PTPN14: variants seen among roughly 807,000 people sequenced by gnomAD.
PTPN14 encodes tyrosine-protein phosphatase non-receptor type 14.
Under a neutral mutation model 126.8 loss-of-function variants are expected in PTPN14, and 53 were observed. The observed-to-expected ratio is 0.42, with a 90% confidence interval of 0.34 to 0.53. PTPN14 has a LOEUF of 0.53. Among genes scored for constraint, PTPN14 ranks in the 20% least tolerant of loss-of-function variants. PTPN14 has a pLI of 0.08. For synonymous variants in PTPN14, 630 were observed against 599.3 expected (o/e 1.05, Z -0.75); for missense variants, 1,257 against 1,552.9 (o/e 0.81, Z 3.20).
intron 3 of PTPN14, among the ~76,000 whole-genome samples, chr1:214,422,500 C>T (rs1659565100): frequency 6.6e-6 from 1 of 152,184 alleles, no homozygotes; most frequent in South Asian, 2.1e-4. Flanking sequence ...GCTCAAAATA[C>T]ATATCTGCCT....
At chr1:214,418,984 A>G (rs1288041253) in intron 3 of PTPN14, among the ~76,000 whole-genome samples, 2 of 152,036 alleles carry the variant, frequency 1.3e-5, no homozygotes, top group East Asian at 3.8e-4. Flanking sequence ...CAGCAGGTAC[A>G]AACTGGGCCC....
At chr1:214,532,266 G>C (rs1478087397) in intron 1 of PTPN14, 1 of 445,318 alleles carries the variant, frequency 2.2e-6, no homozygotes, top group Admixed American at 2.8e-5. Context: ...CGCCCAGCTG[G>C]TCAACAGCGT....
chr1:214,401,653 G>A (rs773129991), intron 7 of PTPN14, 32 bp downstream of exon 7: 2 of 1,490,990 alleles, frequency 1.3e-6, no homozygotes, highest in African/African-American at 1.4e-5. Flanking sequence ...GGTCTGAGAA[G>A]GTTAAAGCCA....
intron 11 of PTPN14, among the ~76,000 whole-genome samples, chr1:214,389,260 G>A (rs1269716944): frequency 6.6e-6 from 1 of 152,074 alleles, no homozygotes; most frequent in African/African-American, 2.4e-5. Context: ...AGTAAGTTAC[G>A]GTTTATGAAC....
At chr1:214,522,182 C>G (rs963616039) in intron 1 of PTPN14, among the ~76,000 whole-genome samples, 2 of 151,908 alleles carry the variant, frequency 1.3e-5, no homozygotes, top group Non-Finnish European at 2.9e-5. Flanking sequence ...TGATCTGTCC[C>G]CCTCAGCCTC....
At chr1:214,360,969 C>A (rs1657942602) in intron 18 of PTPN14, among the ~76,000 whole-genome samples, 1 of 152,084 alleles carries the variant, frequency 6.6e-6, no homozygotes. Context: ...TGCACTTCCC[C>A]CTTTGCTCTC....
chr1:214,532,701 G>T (rs1655585077), intron 1 of PTPN14: 2 of 796,180 alleles, frequency 2.5e-6, no homozygotes, highest in Admixed American at 1.7e-5. Flanking sequence ...CAGACTCTCA[G>T]GCGCCAGTCT....
chr1:214,514,267 T>C (rs17023132), intron 1 of PTPN14, among the ~76,000 whole-genome samples: 33,798 of 151,960 alleles, frequency 0.22, 5,198 homozygotes, highest in African/African-American at 0.44. Flanking sequence ...GCAATAAACC[T>C]AGTGCTTGAA....
At chr1:214,396,449 A>G (rs1658881635) in intron 8 of PTPN14, among the ~76,000 whole-genome samples, 1 of 152,196 alleles carries the variant, frequency 6.6e-6, no homozygotes, top group African/African-American at 2.4e-5. Flanking sequence ...ACGTGGACTC[A>G]TAGCTACATG....
chr1:214,459,900 C>T (rs1266965318), intron 2 of PTPN14, among the ~76,000 whole-genome samples: 1 of 152,224 alleles, frequency 6.6e-6, no homozygotes, highest in Non-Finnish European at 1.5e-5. Flanking sequence ...CCACATAGTT[C>T]AAAAGAGTAT....
rs561413480 is a variant in PTPN14 at position 214,513,794 on chromosome 1, C to T, written c.-155+37389G>A. On this transcript the variant is annotated intron_variant, in intron 1 of 18. Coordinates refer to ENST00000366956, the MANE Select transcript of PTPN14 (RefSeq NM_005401.5). The stretch of plus-strand genomic sequence containing the variant: ...AATAATAATGGTATCTATTTCATAG[C>T]GTTGTCATAAAGATTAAATGAGATA... Among the ~76,000 whole-genome samples, 9 of 152,160 alleles carry T rather than the reference C, an allele frequency of 5.9e-5. No individual in the cohort carries two copies. The South Asian group carries it at 1.0e-3, about 18-fold the overall frequency.
At chr1:214,550,816 T>C (rs1656089771) in intron 1 of PTPN14, among the ~76,000 whole-genome samples, 1 of 152,162 alleles carries the variant, frequency 6.6e-6, no homozygotes, top group Non-Finnish European at 1.5e-5. Context: ...CGTTCGTCTT[T>C]CATCCTCTAG....
chr1:214,358,143 G>A, intron 18 of PTPN14, 93 bp from the exon 19 acceptor site: 1 of 1,463,738 alleles, frequency 6.8e-7, no homozygotes, highest in Non-Finnish European at 9.3e-7. Flanking sequence ...CTCACCCACT[G>A]CCCATGTCCA....
chr1:214,448,737 A>G (rs1374398904), intron 3 of PTPN14, among the ~76,000 whole-genome samples: 1 of 152,156 alleles, frequency 6.6e-6, no homozygotes, highest in Non-Finnish European at 1.5e-5. Context: ...CTCCCTCTAC[A>G]GGATACCACA....
At chr1:214,447,106 T>G (rs572095401) in intron 3 of PTPN14, among the ~76,000 whole-genome samples, 1 of 152,304 alleles carries the variant, frequency 6.6e-6, no homozygotes, top group East Asian at 1.9e-4. Flanking sequence ...CTGAGATGCC[T>G]GGTAACTGGG....
At chr1:214,538,821 C>T (rs532609767) in intron 1 of PTPN14, among the ~76,000 whole-genome samples, 2 of 152,270 alleles carry the variant, frequency 1.3e-5, no homozygotes, top group East Asian at 1.9e-4. Context: ...ATATTAACCA[C>T]ATTTTCTAGC....
chr1:214,514,972 C>T (rs1173476694), intron 1 of PTPN14, among the ~76,000 whole-genome samples: 2 of 152,194 alleles, frequency 1.3e-5, no homozygotes, highest in Middle Eastern at 3.4e-3. Flanking sequence ...CTCCTGTAGC[C>T]GACAATAAAC....
chr1:214,374,593 C>T (rs1467215255), intron 15 of PTPN14, among the ~76,000 whole-genome samples: 1 of 152,200 alleles, frequency 6.6e-6, no homozygotes, highest in Non-Finnish European at 1.5e-5. Flanking sequence ...AATCTCTGTT[C>T]TGTGTTAACG....
intron 1 of PTPN14, chr1:214,528,510 T>C (rs940215573): frequency 6.6e-6 from 1 of 152,228 alleles, no homozygotes; most frequent in African/African-American, 2.4e-5. Context: ...GTGACTATTA[T>C]TCTAAATATA....
Sources: allele counts gnomAD v4.1 joint callset (sites outside exome capture counted in the v4.1 genomes callset), GRCh38; gene constraint gnomAD v4.1.1; transcripts MANE v1.5; gene names NCBI Gene and HGNC (gene_info 2026-07-23, HGNC 2026-07-21).